OTUD4: variants seen among roughly 807,000 people sequenced by gnomAD.
OTUD4 encodes OTU deubiquitinase 4, also known as OTU domain-containing protein 4.
A neutral mutation model predicts 130.4 loss-of-function variants in OTUD4; 24 were observed. The ratio of observed to expected loss-of-function variants is 0.18; its 90% CI spans 0.13 to 0.26. The LOEUF is 0.26. Ranked by LOEUF, OTUD4 falls within the 10% of genes least tolerant of loss-of-function variation. The pLI is 1.00. For synonymous variants in OTUD4, 420 were observed against 472.5 expected (o/e 0.89, Z 1.44); for missense variants, 1,031 against 1,329.4 (o/e 0.78, Z 3.49).
intron 14 of OTUD4, among the ~76,000 whole-genome samples, 186 bp from the exon 15 acceptor site, chr4:145,144,620 G>T (rs985420584): frequency 6.6e-6 from 1 of 152,044 alleles, no homozygotes; most frequent in Admixed American, 6.6e-5. Flanking sequence ...TAGAATAATA[G>T]TCTTATCGCT....
intron 1 of OTUD4, among the ~76,000 whole-genome samples, chr4:145,177,626 G>C (rs1752489284): frequency 6.6e-6 from 1 of 152,198 alleles, no homozygotes; most frequent in African/African-American, 2.4e-5. Flanking sequence ...CACTGTTTTA[G>C]CAAGTCCTCC....
chr4:145,176,210 T>C (rs1752414846), intron 1 of OTUD4, among the ~76,000 whole-genome samples: 1 of 151,444 alleles, frequency 6.6e-6, no homozygotes, highest in African/African-American at 2.4e-5. Flanking sequence ...CTCCCAATTA[T>C]TTAACATGCT....
intron 15 of OTUD4, among the ~76,000 whole-genome samples, 153 bp from the exon 16 acceptor site, chr4:145,144,154 T>C (rs1369324602): frequency 6.6e-6 from 1 of 152,228 alleles, no homozygotes; most frequent in African/African-American, 2.4e-5. Context: ...CTTAACATCC[T>C]TTAGCTTGAG....
chr4:145,139,016 T>C (rs761510081), intron 20 of OTUD4, among the ~76,000 whole-genome samples: 2 of 152,148 alleles, frequency 1.3e-5, no homozygotes, highest in Non-Finnish European at 2.9e-5. Flanking sequence ...TTACTGGGAA[T>C]GTCAGTATAA....
Position 145,171,667 on chromosome 4 carries a change from T to C in OTUD4, c.294+3A>G, listed in dbSNP as rs746902588. 1.6e-6 allele frequency: 2 copies of C among 1,263,320 alleles called. No individual in the cohort carries two copies. The highest frequency in any genetic ancestry group is 2.3e-6 in the Non-Finnish European group (2 of 864,298). 78.3% of individuals were successfully genotyped at this position (1,263,320 alleles called of 1,614,324 possible). ...AGAAATATACTAGAAGACTGTGACA[T>C]ACCTGTGGATTTTCCAAACGCTTTA... is the stretch of plus-strand genomic sequence containing the variant. On this transcript the variant is annotated splice_donor_region_variant and intron_variant, in intron 3 of 20. Coordinates refer to ENST00000447906, the MANE Select transcript of OTUD4 (RefSeq NM_001366057.1).
At chr4:145,143,561 G>A (rs1429667201) in intron 16 of OTUD4, 116 bp from the exon 17 acceptor site, 13 of 630,726 alleles carry the variant, frequency 2.1e-5, no homozygotes, top group Non-Finnish European at 3.6e-5. Context: ...TCTCACCACT[G>A]AGTATTTTTT....
At chr4:145,143,561 G>C in intron 16 of OTUD4, 116 bp from the exon 17 acceptor site, 1 of 630,844 alleles carries the variant, frequency 1.6e-6, no homozygotes. Flanking sequence ...TCTCACCACT[G>C]AGTATTTTTT....
intron 17 of OTUD4, 131 bp downstream of exon 17, chr4:145,143,234 C>A: frequency 1.9e-6 from 1 of 535,190 alleles, no homozygotes; most frequent in Non-Finnish European, 3.3e-6. Context: ...ATAACCACAG[C>A]CAAACTGTGA....
rs1750401693 is a variant in OTUD4, at chr4:145,138,615, G to A, written c.2160C>T (p.Tyr720=). 1 of 1,613,374 alleles carries A rather than the reference G, an allele frequency of 6.2e-7. No homozygotes were observed. Among genetic ancestry groups the A allele is most frequent in the Non-Finnish European group, 8.5e-7 (1 of 1,179,596 alleles). The change falls in exon 21 of 21, where the codon TAC becomes TAT. Residue 720 remains tyrosine (Y), a synonymous_variant. Transcript: ENST00000447906. ...GGTAGGCCTGGTGCAGAGGGTACAG[G>A]TAAGAATGTGGGGCCCACATAGGAC... is the stretch of plus-strand genomic sequence containing the variant. The part of the protein sequence containing the change: ...YSCPMWAPHS[Y]LYPLHQAYLA...
chr4:145,154,218 A>G (rs2126767572), intron 10 of OTUD4, among the ~76,000 whole-genome samples: 1 of 152,328 alleles, frequency 6.6e-6, no homozygotes, highest in East Asian at 1.9e-4. Context: ...AAGTTTTCCC[A>G]ATCAATGTAG....
In OTUD4 at chr4:145,143,347, A is replaced by G; in HGVS notation, c.1683+18T>C. On this transcript the variant is annotated intron_variant, in intron 17 of 20. Coordinates refer to ENST00000447906, the MANE Select transcript of OTUD4 (RefSeq NM_001366057.1). Reference sequence around the variant, plus strand: ...CAGAGAGTGGAGCATTCAATGTTAAATGCAACAATATACTTACTTGTTCCG... The same window carrying G: ...CAGAGAGTGGAGCATTCAATGTTAAGTGCAACAATATACTTACTTGTTCCG... The G allele has an allele frequency of 6.6e-7, 1 of 1,513,764 alleles. No homozygotes were observed. Among genetic ancestry groups the G allele is most frequent in the African/African-American group, 1.4e-5 (1 of 73,010 alleles). The allele number at this position is 1,513,764 out of a possible 1,614,324, so 93.8% of individuals were successfully genotyped here. A position where few individuals can be genotyped will look rare whatever the true frequency, so the allele number is the denominator to read the frequency against.
intron 1 of OTUD4, among the ~76,000 whole-genome samples, chr4:145,176,131 G>A (rs574477763): frequency 1.3e-5 from 2 of 151,096 alleles, no homozygotes; most frequent in South Asian, 2.1e-4. Flanking sequence ...CCTGACCTCA[G>A]GTGATCTGCC....
intron 20 of OTUD4, among the ~76,000 whole-genome samples, chr4:145,138,852 T>G (rs931902353): frequency 6.6e-6 from 1 of 152,238 alleles, no homozygotes; most frequent in African/African-American, 2.4e-5. Flanking sequence ...CTCCATTGCT[T>G]GCTCCTGTCC....
At chr4:145,168,411 A>AC (rs1256125990) in intron 3 of OTUD4, among the ~76,000 whole-genome samples, 15 of 32,670 alleles carry the variant, frequency 4.6e-4, no homozygotes, top group Admixed American at 1.0e-3. Context: ...AAAATAAAAA[A>AC]TTAAAAAAAA....
Position 145,136,001 on chromosome 4 carries a change from G to GT in OTUD4, c.*1428dup, listed in dbSNP as rs1374779849. 3.9e-5 allele frequency: 6 copies of GT among 152,610 alleles called. No homozygotes were observed. Among genetic ancestry groups the GT allele is most frequent in the African/African-American group, 1.4e-4 (6 of 41,424 alleles). The allele number at this position is 152,610 out of a possible 1,614,324, so 9.5% of individuals were successfully genotyped here. ...CAAAAAAAGAAAGTCACCGCATCTG[G>GT]TTTTGGCTAGGTATATTACACATGG... On this transcript the variant is annotated 3_prime_UTR_variant, in exon 21 of 21. Transcript: ENST00000447906.
intron 7 of OTUD4, among the ~76,000 whole-genome samples, chr4:145,157,415 G>A (rs562627158): frequency 1.3e-5 from 2 of 152,226 alleles, no homozygotes; most frequent in South Asian, 4.1e-4. Context: ...AAAAAAGGCC[G>A]CAGAGGCTCA....
chr4:145,157,684 C>CAAAAA (rs923938636), intron 7 of OTUD4, among the ~76,000 whole-genome samples: 34 of 43,930 alleles, frequency 7.7e-4, no homozygotes, highest in East Asian at 1.9e-3. Context: ...AACTCCGTCT[C>CAAAAA]AAAAAAAAAA....
chr4:145,148,189 C>G (rs1374487480), intron 13 of OTUD4, among the ~76,000 whole-genome samples: 1 of 152,142 alleles, frequency 6.6e-6, no homozygotes, highest in East Asian at 1.9e-4. Flanking sequence ...CTTCTCTATA[C>G]CATAGTATTG....
At position 145,142,260 on chromosome 4, in the gene OTUD4, C is replaced by T. The variant is rs977589148; in HGVS notation, c.1758G>A (p.Ala586=). The change falls in exon 18 of 21, where the codon GCG becomes GCA. Residue 586 remains alanine, a synonymous_variant. Transcript: ENST00000447906. The part of the protein sequence containing the change: ...LVSPEVHLTP[A]VPSLPATVPA... ...GCACAGTGGCTGGTAAAGAAGGCAC[C>T]GCAGGAGTTAGATGTACCTCTGGAG... is the stretch of plus-strand genomic sequence containing the variant. 7 of 1,613,726 alleles carry T rather than the reference C, an allele frequency of 4.3e-6. No homozygotes were observed. The highest frequency in any genetic ancestry group is 2.2e-5 in the East Asian group (1 of 44,866).
Sources: allele counts gnomAD v4.1 joint callset (sites outside exome capture counted in the v4.1 genomes callset), GRCh38; gene constraint gnomAD v4.1.1; transcripts MANE v1.5; gene names NCBI Gene and HGNC (gene_info 2026-07-23, HGNC 2026-07-21).